The following DNMT1 variants were observed in gnomAD, a reference collection of about 807,000 sequenced individuals.
DNMT1 encodes the protein DNA methyltransferase 1.
In DNMT1, 24 loss-of-function variants were observed where a neutral mutation model predicts 205.3. The ratio of observed to expected loss-of-function variants is 0.12; its 90% CI spans 0.08 to 0.16. The LOEUF is 0.16. Among genes scored for constraint, DNMT1 ranks in the 10% least tolerant of loss-of-function variants. DNMT1 has a pLI of 1.00. For missense variants in DNMT1, 1,293 were observed against 2,177.7 expected (o/e 0.59, Z 8.09); for synonymous variants, 817 against 839.8 (o/e 0.97, Z 0.47).
At chr19:10,190,847 T>C (rs901824822) in intron 1 of DNMT1, among the ~76,000 whole-genome samples, 14 of 151,790 alleles carry the variant, frequency 9.2e-5, no homozygotes, top group African/African-American at 3.4e-4. Context: ...CTGGACACCA[T>C]CATACCTGTA....
chr19:10,160,377 T>C lies in DNMT1; in HGVS notation c.1043+7A>G. ...TGCTTTCGATAATGTCAAGAATAAATTCTTACGGTTCTTTGGGGGTCGTTT... is the reference window on the plus strand; with the variant it reads ...TGCTTTCGATAATGTCAAGAATAAACTCTTACGGTTCTTTGGGGGTCGTTT... On this transcript the variant is annotated splice_region_variant and intron_variant, in intron 14 of 40. Transcript: ENST00000359526. 6.2e-7 allele frequency: 1 copy of C among 1,614,186 alleles called. No homozygotes were observed. The highest frequency in any genetic ancestry group is 1.1e-5 in the South Asian group (1 of 91,076).
rs1329889578 is a variant in DNMT1 at position 10,168,455 on chromosome 19, T to G, written c.769-91A>C. 5.9e-6 allele frequency: 8 copies of G among 1,350,862 alleles called. No homozygotes were observed. In the East Asian group the frequency reaches 1.6e-4, roughly 28 times the overall value. The allele number at this position is 1,350,862 out of a possible 1,614,324, so 83.7% of individuals were successfully genotyped here. On this transcript the variant is annotated intron_variant, in intron 9 of 40. Transcript: ENST00000359526. ...TCCTATGGAAATAAAACACCTGAAC[T>G]GATTCTAGAGTCCACTGGTGGGAGT...
At chr19:10,176,116 C>T (rs571077523) in intron 6 of DNMT1, among the ~76,000 whole-genome samples, 1 of 150,832 alleles carries the variant, frequency 6.6e-6, no homozygotes, top group East Asian at 1.9e-4. Flanking sequence ...TGCAGTGAGC[C>T]GAAATCATGC....
At chr19:10,186,671 T>C (rs1272581312) in intron 1 of DNMT1, among the ~76,000 whole-genome samples, 1 of 151,556 alleles carries the variant, frequency 6.6e-6, no homozygotes, top group Admixed American at 6.6e-5. Context: ...AAACTTCGTC[T>C]TTACTAAAAA....
In DNMT1 at chr19:10,137,582, G is replaced by T; in HGVS notation, c.4293+250C>A. On this transcript the variant is annotated intron_variant, in intron 36 of 40. Transcript: ENST00000359526. The surrounding 1 kb of genome is among the most constrained non-coding windows in gnomAD (Gnocchi z 6.4). ...CTGGGAAAACATGCGGGGAGAGGCA[G>T]CAAGGGGGAAGGCAGTGGTGGGTGG... 1 of 653,542 alleles carries T rather than the reference G, an allele frequency of 1.5e-6. No homozygotes were observed. Among genetic ancestry groups the T allele is most frequent in the Non-Finnish European group, 2.6e-6 (1 of 380,020 alleles). The allele number at this position is 653,542 out of a possible 1,614,324, so 40.5% of individuals were successfully genotyped here.
chr19:10,194,890 G>A lies in DNMT1; in HGVS notation c.10C>T (p.Arg4Cys). 6.2e-7 allele frequency: 1 copy of A among 1,609,200 alleles called. No individual in the cohort carries two copies. The highest frequency in any genetic ancestry group is 1.3e-5 in the African/African-American group (1 of 74,754). Residue 4 changes from arginine (R) to cysteine (C), a missense_variant, in exon 1 of 41, where the codon CGT (arginine) becomes TGT (cysteine). Physicochemically the swap from Arg to Cys is radical, Grantham distance 180 (BLOSUM62 -3). Coordinates refer to ENST00000359526, the MANE Select transcript of DNMT1 (RefSeq NM_001130823.3). The part of the protein sequence containing the change: MPA[R>C]TAPARVPTLA... ...GTGGGCACCCGGGCTGGGGCGGTAC[G>A]CGCCGGCATCTCGGAGGCTTCAGCA...
chr19:10,162,620 GAAAAA>G (rs573823039), intron 13 of DNMT1, 42 bp downstream of exon 13: 1,440 of 1,310,974 alleles, frequency 1.1e-3, no homozygotes, highest in East Asian at 2.5e-3. Context: ...CCGTCTTGGG[GAAAAA>G]AAAAAAAAAA....
chr19:10,139,520 C>T (rs1431259760), intron 34 of DNMT1, among the ~76,000 whole-genome samples, 156 bp downstream of exon 34: 1 of 152,258 alleles, frequency 6.6e-6, no homozygotes, highest in Non-Finnish European at 1.5e-5. Context: ...ACGCATCTCC[C>T]CTGACTCCGC....
intron 13 of DNMT1, among the ~76,000 whole-genome samples, chr19:10,161,790 T>G (rs1186102210): frequency 6.6e-6 from 1 of 152,122 alleles, no homozygotes; most frequent in Admixed American, 6.6e-5. Flanking sequence ...ACAATTATGG[T>G]TAAATGAGGT....
rs951100277 is a variant in DNMT1 at position 10,183,123 on chromosome 19, A to T, written c.81-1046T>A. ...TATATATACGTGTGTATATATATAT[A>T]TATTTTTTTTTTTTGAGATAGGGTT... On this transcript the variant is annotated intron_variant, in intron 1 of 40. Coordinates refer to ENST00000359526, the MANE Select transcript of DNMT1 (RefSeq NM_001130823.3). 1.8e-4 allele frequency among the ~76,000 whole-genome samples: 23 copies of T among 126,436 alleles called. No individual in the cohort carries two copies. The South Asian group carries it at 2.2e-3, about 12-fold the overall frequency. The allele number at this position is 126,436 out of a possible 152,430, so 82.9% of individuals were successfully genotyped here.
intron 22 of DNMT1, among the ~76,000 whole-genome samples, chr19:10,152,807 T>C (rs2038377360): frequency 6.6e-6 from 1 of 151,848 alleles, no homozygotes; most frequent in Non-Finnish European, 1.5e-5. Context: ...CTTTTAAAAA[T>C]GTGCCTATTT....
Position 10,159,703 on chromosome 19 carries a change from A to C in DNMT1, c.1235T>G (p.Phe412Cys). ...LSIFDANESG[F>C]ESYEALPQHK... The stretch of plus-strand genomic sequence containing the variant: ...CTGGGGAAGCGCCTCATAACTCTCA[A>C]AGCCAGACTCGTTGGCATCAAAGAT... The change falls in exon 17 of 41, where the codon TTT (phenylalanine) becomes TGT (cysteine). Residue 412 changes from phenylalanine (F) to cysteine (C), a missense_variant. Coordinates refer to ENST00000359526, the MANE Select transcript of DNMT1 (RefSeq NM_001130823.3). The surrounding 1 kb of genome is among the most constrained non-coding windows in gnomAD (Gnocchi z 5.0). 6.2e-7 allele frequency: 1 copy of C among 1,614,126 alleles called. No homozygotes were observed. The highest frequency in any genetic ancestry group is 8.5e-7 in the Non-Finnish European group (1 of 1,180,012).
chr19:10,157,537 C>G (rs916979618), intron 17 of DNMT1, among the ~76,000 whole-genome samples: 1 of 152,194 alleles, frequency 6.6e-6, no homozygotes, highest in Non-Finnish European at 1.5e-5. Flanking sequence ...CTCATCTAGA[C>G]AAGGACCACC....
At chr19:10,192,307 C>A (rs544522026) in intron 1 of DNMT1, among the ~76,000 whole-genome samples, 240 of 151,998 alleles carry the variant, frequency 1.6e-3, no homozygotes, top group African/African-American at 5.5e-3. Flanking sequence ...CTGAAAAAAA[C>A]AAGCTAAGTT....
At chr19:10,182,280 T>C (rs1322705800) in intron 1 of DNMT1, among the ~76,000 whole-genome samples, 11 of 152,044 alleles carry the variant, frequency 7.2e-5, no homozygotes, top group Admixed American at 7.2e-4. Context: ...TCATCTGATC[T>C]GAACAAGGTT....
chr19:10,137,943 C>A lies in DNMT1; in HGVS notation c.4182G>T (p.Arg1394=), dbSNP rs1440130039. The A allele has an allele frequency of 1.2e-6, 2 of 1,612,000 alleles. No individual in the cohort carries two copies. The highest frequency in any genetic ancestry group is 2.2e-5 in the East Asian group (1 of 44,860). ...RDTMSDLPEV[R]NGASALEISY... is the part of the protein sequence containing the mutation. ...AGATCTCCAGTGCCGAGGCTCCATT[C>A]CGCACCTCCGGCAGGTCGGACATCG... The change falls in exon 36 of 41, where the codon CGG becomes CGT. Residue 1394 remains arginine (R), a synonymous_variant. Transcript: ENST00000359526. This position sits in a 1 kb window ranked among gnomAD's most constrained non-coding sequence, Gnocchi z 6.4.
At position 10,194,925 on chromosome 19, in the gene DNMT1, G is replaced by A. The variant is rs745759875; in HGVS notation, c.-26C>T. 12 of 1,595,602 alleles carry A rather than the reference G, an allele frequency of 7.5e-6. No homozygotes were observed. The South Asian group carries it at 1.2e-4, about 16-fold the overall frequency. ...CTCGGAGGCTTCAGCAGACGCGGCG[G>A]CGGCAGCGCAGGCGCCCCGGCTTTT... is the stretch of plus-strand genomic sequence containing the variant. On this transcript the variant is annotated 5_prime_UTR_variant, in exon 1 of 41. Coordinates refer to ENST00000359526, the MANE Select transcript of DNMT1 (RefSeq NM_001130823.3).
At chr19:10,149,788 A>C (rs946569612) in intron 25 of DNMT1, 65 bp downstream of exon 25, 71 of 1,607,650 alleles carry the variant, frequency 4.4e-5, no homozygotes, top group Non-Finnish European at 5.4e-5. Context: ...TATTTTGGCA[A>C]AACAGGCATC....
intron 38 of DNMT1, 105 bp downstream of exon 38, chr19:10,136,016 G>C: frequency 1.3e-6 from 2 of 1,546,212 alleles, no homozygotes. Flanking sequence ...GGTGCCTGGG[G>C]TCCTGGGGTG....
Sources: gnomAD v4.1 joint callset for allele counts (sites outside exome capture counted in the v4.1 genomes callset) on GRCh38, gnomAD v4.1.1 for gene constraint, Gnocchi (gnomAD v3.1) non-coding constraint, MANE v1.5 for transcripts, NCBI Gene and HGNC (gene_info 2026-07-23, HGNC 2026-07-21) for gene names.